Variants in SRGAP1 observed in about 807,000 individuals in gnomAD.
SRGAP1 encodes the protein SLIT-ROBO Rho GTPase-activating protein 1.
SRGAP1 carries 43 observed loss-of-function variants against 121.9 expected under a neutral mutation model. That is an observed-to-expected ratio of 0.35 (90% confidence interval 0.28 to 0.46). The LOEUF (loss-of-function observed/expected upper bound fraction) is 0.46, where lower values mean the gene tolerates loss of function less well. SRGAP1 is among the 20% of genes least tolerant of loss of function. SRGAP1 has a pLI of 1.00. For missense variants in SRGAP1, 1,102 were observed against 1,350.9 expected, an observed-to-expected ratio of 0.82 and a Z score of 2.89; for synonymous variants, 447 against 485.4, an observed-to-expected ratio of 0.92 and a Z score of 1.04.
chr12:63,894,617 C>G (rs1394160360), intron 1 of SRGAP1, among the ~76,000 whole-genome samples: 1 of 152,052 alleles, frequency 6.6e-6, no homozygotes, highest in Non-Finnish European at 1.5e-5. Context: ...TATTGTCCCT[C>G]CCCACTTCCC....
At chr12:63,945,735 G>A (rs2032023917) in intron 1 of SRGAP1, among the ~76,000 whole-genome samples, 1 of 152,176 alleles carries the variant, frequency 6.6e-6, no homozygotes, top group Admixed American at 6.5e-5. Context: ...AACTGAGATG[G>A]CCCCAGCAAG....
intron 18 of SRGAP1, 54 bp downstream of exon 18, chr12:64,115,947 A>G: frequency 6.7e-7 from 1 of 1,485,286 alleles, no homozygotes; most frequent in Middle Eastern, 1.7e-4. Flanking sequence ...CCTATTGTAA[A>G]CAATTGCTTG....
At chr12:64,026,659 G>A (rs1490921774) in intron 4 of SRGAP1, among the ~76,000 whole-genome samples, 1 of 152,064 alleles carries the variant, frequency 6.6e-6, no homozygotes, top group Non-Finnish European at 1.5e-5. Flanking sequence ...CTAAGGTCAG[G>A]AGTTCGAGAC....
intron 11 of SRGAP1, 33 bp downstream of exon 11, chr12:64,087,059 A>G: frequency 6.6e-7 from 1 of 1,519,174 alleles, no homozygotes; most frequent in East Asian, 2.3e-5. Context: ...CTTATAGCGT[A>G]TTTTACTTTC....
chr12:63,976,194 A>G (rs964547715), intron 1 of SRGAP1, among the ~76,000 whole-genome samples: 2 of 152,118 alleles, frequency 1.3e-5, no homozygotes, highest in African/African-American at 2.4e-5. Flanking sequence ...CATCAAGCCA[A>G]TTTGCAAAGC....
At chr12:64,004,440 CA>C (rs1293460148) in intron 3 of SRGAP1, among the ~76,000 whole-genome samples, 1 of 152,140 alleles carries the variant, frequency 6.6e-6, no homozygotes, top group Non-Finnish European at 1.5e-5. Context: ...GGCGTGGTCT[CA>C]GCTCACTGCA....
At chr12:64,119,835 A>C (rs1344514148) in intron 18 of SRGAP1, among the ~76,000 whole-genome samples, 1 of 148,828 alleles carries the variant, frequency 6.7e-6, no homozygotes, top group Non-Finnish European at 1.5e-5. Context: ...CAATGGTACA[A>C]TCTCAGCTCA....
At chr12:64,039,920 T>C (rs556748129) in intron 4 of SRGAP1, among the ~76,000 whole-genome samples, 2 of 150,092 alleles carry the variant, frequency 1.3e-5, no homozygotes, top group East Asian at 3.9e-4. Flanking sequence ...GGTTCAATAA[T>C]TACTAAAAAC....
chr12:64,000,773 T>C (rs1380491102), intron 3 of SRGAP1, among the ~76,000 whole-genome samples: 1 of 152,186 alleles, frequency 6.6e-6, no homozygotes, highest in Non-Finnish European at 1.5e-5. Flanking sequence ...GGCAAAAGAC[T>C]GTATTTGGAG....
intron 1 of SRGAP1, among the ~76,000 whole-genome samples, chr12:63,950,805 TCAAA>T (rs1357099537): frequency 1.3e-5 from 2 of 152,174 alleles, no homozygotes; most frequent in Non-Finnish European, 2.9e-5. Flanking sequence ...ATTGATCATT[TCAAA>T]CAGTGACCTT....
chr12:63,973,539 T>TGA (rs2033015398), intron 1 of SRGAP1, among the ~76,000 whole-genome samples: 1 of 152,222 alleles, frequency 6.6e-6, no homozygotes, highest in Non-Finnish European at 1.5e-5. Context: ...ATCAAGTACT[T>TGA]ACCGCAGAAC....
chr12:64,122,855 G>A (rs368625508), intron 18 of SRGAP1, among the ~76,000 whole-genome samples: 7 of 152,206 alleles, frequency 4.6e-5, no homozygotes, highest in East Asian at 1.9e-4. Context: ...CCAAGATCAC[G>A]CCACTGCACT....
chr12:64,117,582 C>T (rs1362658546), intron 18 of SRGAP1, among the ~76,000 whole-genome samples: 2 of 152,126 alleles, frequency 1.3e-5, no homozygotes, highest in Non-Finnish European at 2.9e-5. Flanking sequence ...CCTTCTGTGT[C>T]TTGAGGTAAT....
At chr12:64,051,778 GTCTC>G (rs1378997673) in intron 6 of SRGAP1, among the ~76,000 whole-genome samples, 5 of 151,846 alleles carry the variant, frequency 3.3e-5, no homozygotes, top group Non-Finnish European at 7.4e-5. Context: ...TTCTCTCTCT[GTCTC>G]TCTCTCTTTT....
intron 1 of SRGAP1, 140 bp downstream of exon 1, chr12:63,845,023 T>C: frequency 2.5e-6 from 2 of 808,942 alleles, no homozygotes; most frequent in Non-Finnish European, 4.2e-6. Context: ...CCACCTGGGC[T>C]TCCTACAAGC....
intron 15 of SRGAP1, among the ~76,000 whole-genome samples, chr12:64,107,252 A>T (rs994949013): frequency 2.4e-4 from 36 of 152,194 alleles, no homozygotes; most frequent in Non-Finnish European, 2.8e-4. Context: ...AGCACTCAAG[A>T]TTCCAGGGAA....
At chr12:64,098,575 C>G (rs1187590850) in intron 15 of SRGAP1, among the ~76,000 whole-genome samples, 1 of 151,914 alleles carries the variant, frequency 6.6e-6, no homozygotes, top group African/African-American at 2.4e-5. Flanking sequence ...GAGGCTGAAG[C>G]AGGAGGATCA....
At chr12:64,050,784 G>T (rs1432634374) in intron 6 of SRGAP1, among the ~76,000 whole-genome samples, 1 of 152,144 alleles carries the variant, frequency 6.6e-6, no homozygotes, top group African/African-American at 2.4e-5. Flanking sequence ...GAGTGCAGTG[G>T]TGCAATCTCA....
intron 1 of SRGAP1, among the ~76,000 whole-genome samples, chr12:63,846,932 C>T (rs749043931): frequency 6.6e-6 from 1 of 152,160 alleles, no homozygotes; most frequent in African/African-American, 2.4e-5. Flanking sequence ...TACATGAGGC[C>T]AGCTGTCCAA....
Sources: allele counts gnomAD v4.1 joint callset (sites outside exome capture counted in the v4.1 genomes callset), GRCh38; gene constraint gnomAD v4.1.1; transcripts MANE v1.5; gene names NCBI Gene and HGNC (gene_info 2026-07-23, HGNC 2026-07-21).